PDCD11: variants seen among roughly 807,000 people sequenced by gnomAD.
PDCD11 encodes the protein programmed cell death 11.
PDCD11 carries 97 observed loss-of-function variants against 198.9 expected under a neutral mutation model. The observed-to-expected ratio is 0.49, with a 90% CI of 0.41 to 0.58. PDCD11 has a LOEUF of 0.58. PDCD11 is among the 20% of genes least tolerant of loss of function. The pLI, the probability that PDCD11 is intolerant of heterozygous loss-of-function variation, is 0.00. For missense variants in PDCD11, 2,102 were observed against 2,312.7 expected, an observed-to-expected ratio of 0.91 and a Z score of 1.87; for synonymous variants, 893 against 918.0, an observed-to-expected ratio of 0.97 and a Z score of 0.49.
intron 7 of PDCD11, among the ~76,000 whole-genome samples, chr10:103,408,979 G>T (rs181448890): frequency 6.6e-6 from 1 of 152,326 alleles, no homozygotes; most frequent in African/African-American, 2.4e-5. Flanking sequence ...ACCCACGAGG[G>T]TCTAAGCCTG....
At chr10:103,438,161 T>G in intron 26 of PDCD11, 90 bp downstream of exon 26, 2 of 999,584 alleles carry the variant, frequency 2.0e-6, no homozygotes, top group Non-Finnish European at 3.2e-6. Flanking sequence ...AATTTTGGGC[T>G]TCCCACCTTC....
At chr10:103,409,166 G>T (rs926026951) in intron 7 of PDCD11, among the ~76,000 whole-genome samples, 1 of 152,056 alleles carries the variant, frequency 6.6e-6, no homozygotes, top group Non-Finnish European at 1.5e-5. Context: ...AGTATTTTCC[G>T]GGAAGGTAAG....
Position 103,441,920 on chromosome 10 carries a change from C to T in PDCD11, c.4652C>T (p.Pro1551Leu). The change falls in exon 31 of 36, where the codon CCA becomes CTA. Residue 1551 changes from proline (P) to leucine (L), a missense_variant. Physicochemically the swap from Pro to Leu is moderately conservative, Grantham distance 98. Coordinates refer to ENST00000369797, the MANE Select transcript of PDCD11 (RefSeq NM_014976.2). ...VGLDSLTPALPPLAESSDSEE... is the reference protein window; with the variant it reads ...VGLDSLTPALLPLAESSDSEE... Reference sequence around the variant, plus strand: ...CTAGACTCTCTGACCCCGGCCTTGCCACCTCTAGCAGAGAGCTCAGACAGC... The same window carrying T: ...CTAGACTCTCTGACCCCGGCCTTGCTACCTCTAGCAGAGAGCTCAGACAGC... 6.2e-7 allele frequency: 1 copy of T among 1,614,236 alleles called. No individual in the cohort carries two copies.
intron 12 of PDCD11, among the ~76,000 whole-genome samples, chr10:103,415,928 A>AT (rs2031082215): frequency 6.6e-6 from 1 of 152,180 alleles, no homozygotes; most frequent in Admixed American, 6.5e-5. Flanking sequence ...AGCATGTTAG[A>AT]TTTTCCGGTA....
intron 19 of PDCD11, among the ~76,000 whole-genome samples, chr10:103,424,558 T>C (rs190974837): frequency 1.3e-5 from 2 of 152,182 alleles, no homozygotes; most frequent in East Asian, 3.9e-4. Flanking sequence ...CAGTAATGAC[T>C]CTATTCATTG....
At chr10:103,439,935 G>A (rs2032309131) in intron 28 of PDCD11, 67 bp downstream of exon 28, 1 of 1,584,668 alleles carries the variant, frequency 6.3e-7, no homozygotes, top group East Asian at 2.2e-5. Flanking sequence ...GGAGCCCTGG[G>A]AGGAGATTTC....
At position 103,434,043 on chromosome 10, in the gene PDCD11, T is replaced by C; in HGVS notation, c.3564+6T>C. 1.2e-6 allele frequency: 2 copies of C among 1,608,848 alleles called. No individual in the cohort carries two copies. Among genetic ancestry groups the C allele is most frequent in the Non-Finnish European group, 1.7e-6 (2 of 1,175,172 alleles). Reference sequence around the variant, plus strand: ...TCACTTCTCTGAGCTTCAAGGTCAGTGTGCTTGAGATCCCTGGAGAGGGGA... The same window carrying C: ...TCACTTCTCTGAGCTTCAAGGTCAGCGTGCTTGAGATCCCTGGAGAGGGGA... On this transcript the variant is annotated splice_donor_region_variant and intron_variant, in intron 23 of 35. Coordinates refer to ENST00000369797, the MANE Select transcript of PDCD11 (RefSeq NM_014976.2).
At position 103,419,397 on chromosome 10, in the gene PDCD11, C is replaced by G. The variant is rs779110848; in HGVS notation, c.2107-141C>G. 6.9e-5 allele frequency: 60 copies of G among 868,200 alleles called. 1 individual carries two copies. The highest frequency in any genetic ancestry group is 5.9e-4 in the Admixed American group (25 of 42,076). 53.8% of individuals were successfully genotyped at this position (868,200 alleles called of 1,614,324 possible). A position where few individuals can be genotyped will look rare whatever the true frequency, so the allele number is the denominator to read the frequency against. On this transcript the variant is annotated intron_variant, in intron 15 of 35. Transcript: ENST00000369797. ...TCCTAAGTTTCAGGCGATGTTGATG[C>G]TGCTGGTCTGCACACTTAGAGAATC... is the stretch of plus-strand genomic sequence containing the variant.
At chr10:103,413,070 C>A in intron 8 of PDCD11, 46 bp from the exon 9 acceptor site, 1 of 1,498,472 alleles carries the variant, frequency 6.7e-7, no homozygotes, top group Non-Finnish European at 9.3e-7. Flanking sequence ...CTCTAGGGTG[C>A]TCCTGTGTGC....
At chr10:103,402,627 CGG>C (rs1203934881) in intron 3 of PDCD11, among the ~76,000 whole-genome samples, 6 of 151,944 alleles carry the variant, frequency 3.9e-5, no homozygotes, top group African/African-American at 1.5e-4. Context: ...TTAGTAGAGA[CGG>C]GGTTTTGCCG....
At position 103,402,869 on chromosome 10, in the gene PDCD11, G is replaced by A. The variant is rs1020093707; in HGVS notation, c.235-249G>A. ...GATCCACTCACCTCCGAGTACCTGC[G>A]ACTACAGGCGTGTACCACTATGCCT... On this transcript the variant is annotated intron_variant, in intron 3 of 35. Transcript: ENST00000369797. Among the ~76,000 whole-genome samples, 60 of 152,168 alleles carry A rather than the reference G, an allele frequency of 3.9e-4. 1 individual carries two copies. The highest frequency in any genetic ancestry group is 1.4e-3 in the African/African-American group (58 of 41,514).
At chr10:103,438,467 G>A (rs1351928895) in intron 26 of PDCD11, among the ~76,000 whole-genome samples, 1 of 152,144 alleles carries the variant, frequency 6.6e-6, no homozygotes, top group Admixed American at 6.5e-5. Context: ...TCTCTGGCTT[G>A]GTCCGCCTCT....
intron 31 of PDCD11, 116 bp downstream of exon 31, chr10:103,442,091 G>T (rs1333118077): frequency 1.3e-6 from 2 of 1,547,144 alleles, no homozygotes; most frequent in Middle Eastern, 1.7e-4. Context: ...GCAGCGGCCA[G>T]TCCCAGGCCA....
At chr10:103,442,507 C>T in intron 32 of PDCD11, 47 bp downstream of exon 32, 1 of 1,585,848 alleles carries the variant, frequency 6.3e-7, no homozygotes, top group South Asian at 1.1e-5. Context: ...ACGTTCTGGG[C>T]TGGGAAGTTT....
Position 103,440,847 on chromosome 10 carries a change from C to T in PDCD11, c.4554C>T (p.Pro1518=), listed in dbSNP as rs1202432947. ...AGGCAGAAGAGACGAATGTGCTGCC[C>T]AAGGTGAGGGTGACGTCGCGGGGAG... is the stretch of plus-strand genomic sequence containing the variant. ...KEEAEETNVL[P]KEKQTKPAEA... Residue 1518 remains proline, a synonymous_variant, in exon 30 of 36, where the codon CCC becomes CCT. Coordinates refer to ENST00000369797, the MANE Select transcript of PDCD11 (RefSeq NM_014976.2). 3.1e-6 allele frequency: 5 copies of T among 1,606,114 alleles called. No individual in the cohort carries two copies. The highest frequency in any genetic ancestry group is 1.3e-5 in the African/African-American group (1 of 74,930).
Position 103,397,579 on chromosome 10 carries a change from G to A in PDCD11, c.-11-837G>A, listed in dbSNP as rs571286213. 7.0e-4 allele frequency among the ~76,000 whole-genome samples: 107 copies of A among 152,294 alleles called. 1 individual carries two copies. The highest frequency in any genetic ancestry group is 2.3e-3 in the African/African-American group (96 of 41,546). On this transcript the variant is annotated intron_variant, in intron 1 of 35. Coordinates refer to ENST00000369797, the MANE Select transcript of PDCD11 (RefSeq NM_014976.2). ...GCCTGCCTAGTAGCTGGGACTAGGC[G>A]CAGGCCACCACGCCCGGCTAATTTT...
chr10:103,431,545 T>C (rs1258329801), intron 21 of PDCD11, among the ~76,000 whole-genome samples: 2 of 151,648 alleles, frequency 1.3e-5, no homozygotes, highest in African/African-American at 4.9e-5. Flanking sequence ...TGACCCGAGA[T>C]TGTGCCACTG....
rs556220483 is a variant in PDCD11, at chr10:103,434,995, T to C, written c.3845+20T>C. On this transcript the variant is annotated intron_variant, in intron 25 of 35. Transcript: ENST00000369797. ...TGTCAGGTAAGCGAAGTGTTCTTCC[T>C]CTTTTCACCTGTCTGTGGAATTGGT... 3 of 1,463,320 alleles carry C rather than the reference T, an allele frequency of 2.1e-6. No individual in the cohort carries two copies. The South Asian group carries it at 4.5e-5, about 22-fold the overall frequency. 90.6% of individuals were successfully genotyped at this position (1,463,320 alleles called of 1,614,324 possible).
rs905348293 is a variant in PDCD11 at position 103,440,285 on chromosome 10, C to T, written c.4149-5C>T. On this transcript the variant is annotated splice_polypyrimidine_tract_variant and splice_region_variant and intron_variant, in intron 28 of 35. Coordinates refer to ENST00000369797, the MANE Select transcript of PDCD11 (RefSeq NM_014976.2). The stretch of plus-strand genomic sequence containing the variant: ...TCTTTACCTCCCCATCTTGCTCTGT[C>T]ATAGCCTTAACCACCAGAAGAACCT... The T allele has an allele frequency of 6.2e-7, 1 of 1,610,672 alleles. No individual in the cohort carries two copies. Among genetic ancestry groups the T allele is most frequent in the Non-Finnish European group, 8.5e-7 (1 of 1,178,696 alleles).
Sources: gnomAD v4.1 joint callset for allele counts (sites outside exome capture counted in the v4.1 genomes callset) on GRCh38, gnomAD v4.1.1 for gene constraint, MANE v1.5 for transcripts, NCBI Gene and HGNC (gene_info 2026-07-23, HGNC 2026-07-21) for gene names.